The following PIK3R6 variants were observed in gnomAD, a reference collection of about 807,000 sequenced individuals.
PIK3R6 encodes the protein phosphoinositide 3-kinase regulatory subunit 6.
PIK3R6 carries 91 observed loss-of-function variants against 84.9 expected under a neutral mutation model. The ratio of observed to expected loss-of-function variants is 1.07; its 90% CI spans 0.90 to 1.28. PIK3R6 has a LOEUF of 1.28. Ranked by LOEUF, PIK3R6 falls within the 50% of genes most tolerant of loss-of-function variation. The pLI is 0.00. For missense variants in PIK3R6, 996 were observed against 985.1 expected (o/e 1.01, Z -0.15); for synonymous variants, 416 against 411.4 (o/e 1.01, Z -0.13).
rs28537446 is a variant in PIK3R6, at chr17:8,803,178, C to T, written c.*95G>A. ...GGCTCCTGGTCAAGGCCAAAGCTGC[C>T]GTGTGGAGCCGGGCCTTGCTCTGGC... On this transcript the variant is annotated 3_prime_UTR_variant, in exon 20 of 20. Coordinates refer to ENST00000619866, the MANE Select transcript of PIK3R6 (RefSeq NM_001010855.4). This position sits in a 1 kb window ranked among gnomAD's most constrained non-coding sequence, Gnocchi z 5.0. The T allele has an allele frequency of 0.047, 70,547 of 1,514,182 alleles. 2,058 individuals carry two copies. Among genetic ancestry groups the T allele is most frequent in the Non-Finnish European group, 0.056 (62,468 of 1,107,452 alleles). 93.8% of individuals were successfully genotyped at this position (1,514,182 alleles called of 1,614,324 possible).
intron 18 of PIK3R6, among the ~76,000 whole-genome samples, chr17:8,814,621 T>C (rs1410487334): frequency 6.6e-6 from 1 of 151,552 alleles, no homozygotes; most frequent in Non-Finnish European, 1.5e-5. Flanking sequence ...TCCCCCAAAA[T>C]TGAAGAAATG....
In PIK3R6 at chr17:8,804,036, C is replaced by T; in HGVS notation, c.2108+5G>A. On this transcript the variant is annotated splice_donor_5th_base_variant and intron_variant, in intron 19 of 19. Coordinates refer to ENST00000619866, the MANE Select transcript of PIK3R6 (RefSeq NM_001010855.4). Reference sequence around the variant, plus strand: ...GACATCTAGGGTTGGCAGGCCCAGCCTCACCTGACCACATCCCTGAAAGTG... The same window carrying T: ...GACATCTAGGGTTGGCAGGCCCAGCTTCACCTGACCACATCCCTGAAAGTG... The T allele has an allele frequency of 3.1e-6, 5 of 1,612,762 alleles. No individual in the cohort carries two copies. The highest frequency in any genetic ancestry group is 4.2e-6 in the Non-Finnish European group (5 of 1,178,772).
intron 2 of PIK3R6, among the ~76,000 whole-genome samples, chr17:8,841,672 C>A (rs2088680046): frequency 1.3e-5 from 2 of 151,474 alleles, no homozygotes; most frequent in Non-Finnish European, 2.9e-5. Context: ...AGAATAATTT[C>A]TTTCTTTAAC....
At chr17:8,822,050 G>GTTTT in intron 16 of PIK3R6, 114 bp from the exon 17 acceptor site, 1 of 522,358 alleles carries the variant, frequency 1.9e-6, no homozygotes, top group Non-Finnish European at 3.2e-6. Context: ...TGCTGTGAGA[G>GTTTT]TCTTTTTTTT....
intron 8 of PIK3R6, among the ~76,000 whole-genome samples, chr17:8,833,405 A>G (rs941808710): frequency 1.3e-5 from 2 of 152,052 alleles, no homozygotes; most frequent in African/African-American, 4.8e-5. Context: ...TTCACAGGGA[A>G]TTTTGTCTGT....
intron 1 of PIK3R6, among the ~76,000 whole-genome samples, chr17:8,855,025 TCTACTAAAA>T (rs1033829672): frequency 2.6e-5 from 4 of 152,134 alleles, no homozygotes; most frequent in African/African-American, 9.7e-5. Flanking sequence ...AAACCCCATT[TCTACTAAAA>T]ATACAAACAT....
Position 8,842,290 on chromosome 17 carries a change from C to T in PIK3R6, c.14-2593G>A, listed in dbSNP as rs943039675. Among the ~76,000 whole-genome samples the T allele has an allele frequency of 1.7e-4, 26 of 152,156 alleles. No homozygotes were observed. The highest frequency in any genetic ancestry group is 5.8e-4 in the African/African-American group (24 of 41,434). On this transcript the variant is annotated intron_variant, in intron 2 of 19. Coordinates refer to ENST00000619866, the MANE Select transcript of PIK3R6 (RefSeq NM_001010855.4). This position sits in a 1 kb window ranked among gnomAD's most constrained non-coding sequence, Gnocchi z 4.5. ...ATCCATCACTTTCTGCTGAGCCACG[C>T]CTCCCAGCCAAAATACACGGTATGG...
chr17:8,852,882 G>T (rs546863510), intron 1 of PIK3R6, among the ~76,000 whole-genome samples: 2 of 152,118 alleles, frequency 1.3e-5, no homozygotes, highest in Non-Finnish European at 2.9e-5. Flanking sequence ...CTGGGTGATT[G>T]CTGGACAATA....
In PIK3R6 at chr17:8,828,812, G is replaced by A. The variant is rs746872527; in HGVS notation, c.1068C>T (p.Pro356=). 8 of 1,589,486 alleles carry A rather than the reference G, an allele frequency of 5.0e-6. No homozygotes were observed. Among genetic ancestry groups the A allele is most frequent in the East Asian group, 2.2e-5 (1 of 44,546 alleles). ...LPTGADELPA[P]GSPEMERAGL... ...CGGCTCGCTCCATCTCAGGGCTGCCGGGTGCAGGCAGCTCATCAGCCCCCG... is the reference window on the plus strand; with the variant it reads ...CGGCTCGCTCCATCTCAGGGCTGCCAGGTGCAGGCAGCTCATCAGCCCCCG... Residue 356 remains proline, a synonymous_variant, in exon 11 of 20, where the codon CCC becomes CCT. Coordinates refer to ENST00000619866, the MANE Select transcript of PIK3R6 (RefSeq NM_001010855.4).
chr17:8,831,328 T>TAAAAAAAAAAAAAA lies in PIK3R6; in HGVS notation c.802+1547_803-1537dup, dbSNP rs60650147. Among the ~76,000 whole-genome samples, 10 of 33,080 alleles carry TAAAAAAAAAAAAAA rather than the reference T, an allele frequency of 3.0e-4. 1 individual carries two copies. Among genetic ancestry groups the TAAAAAAAAAAAAAA allele is most frequent in the African/African-American group, 7.0e-4 (5 of 7,118 alleles). The allele number at this position is 33,080 out of a possible 152,430, so 21.7% of individuals were successfully genotyped here. A position where few individuals can be genotyped will look rare whatever the true frequency, so the allele number is the denominator to read the frequency against. ...CTGGGTGACAGAGCAAGACCCTGTCTAAAAAAAAAAAAAAAAAAAAAAAAA... is the reference window on the plus strand; with the variant it reads ...CTGGGTGACAGAGCAAGACCCTGTCTAAAAAAAAAAAAAAAAAAAAAAAAAAAAAAAAAAAAAAA... On this transcript the variant is annotated intron_variant, in intron 9 of 19. Transcript: ENST00000619866.
intron 17 of PIK3R6, among the ~76,000 whole-genome samples, chr17:8,821,418 C>A (rs2087728469): frequency 6.8e-6 from 1 of 147,832 alleles, no homozygotes; most frequent in East Asian, 2.0e-4. Context: ...CCATCCTTTG[C>A]ATTATTCCAG....
chr17:8,821,945 G>A lies in PIK3R6; in HGVS notation c.1789-9C>T, dbSNP rs773212350. The A allele has an allele frequency of 2.0e-5, 32 of 1,566,134 alleles. No individual in the cohort carries two copies. In the East Asian group the frequency reaches 4.5e-4, roughly 22 times the overall value. ...CGGTGGCTAAGCAAGGCCTGAGGAGGGGGATCGAGGAACAGGTGGAGGTGC... is the reference window on the plus strand; with the variant it reads ...CGGTGGCTAAGCAAGGCCTGAGGAGAGGGATCGAGGAACAGGTGGAGGTGC... On this transcript the variant is annotated splice_polypyrimidine_tract_variant and intron_variant, in intron 16 of 19. Transcript: ENST00000619866.
At chr17:8,815,135 A>C (rs1048839851) in intron 18 of PIK3R6, among the ~76,000 whole-genome samples, 3 of 152,246 alleles carry the variant, frequency 2.0e-5, no homozygotes, top group African/African-American at 7.2e-5. Flanking sequence ...AGACTACAGT[A>C]ATATAATATG....
At chr17:8,849,973 G>C in intron 1 of PIK3R6, 88 bp from the exon 2 acceptor site, 1 of 700,296 alleles carries the variant, frequency 1.4e-6, no homozygotes, top group Non-Finnish European at 2.3e-6. Flanking sequence ...AAGGGACCTA[G>C]GCTTCTAGCA....
intron 2 of PIK3R6, among the ~76,000 whole-genome samples, chr17:8,841,701 GAA>G (rs59502151): frequency 8.4e-5 from 12 of 142,722 alleles, no homozygotes; most frequent in African/African-American, 2.8e-4. Context: ...GTTGACATGG[GAA>G]AAAAAAAAAA....
chr17:8,847,823 T>G (rs2088848729), intron 2 of PIK3R6, among the ~76,000 whole-genome samples: 1 of 151,386 alleles, frequency 6.6e-6, no homozygotes, highest in South Asian at 2.1e-4. Flanking sequence ...AAAATCATAA[T>G]GTGGAAAGAC....
chr17:8,839,852 G>C lies in PIK3R6; in HGVS notation c.14-155C>G, dbSNP rs1208455636. ...AGCTGGCAGCCAGCATGCCAGCCAG[G>C]GCTGGAATATAGCCTTCCCTTCCAC... On this transcript the variant is annotated intron_variant, in intron 2 of 19. Transcript: ENST00000619866. The surrounding 1 kb of genome is among the most constrained non-coding windows in gnomAD (Gnocchi z 4.2). 6.6e-6 allele frequency among the ~76,000 whole-genome samples: 1 copy of C among 152,178 alleles called. No individual in the cohort carries two copies. Among genetic ancestry groups the C allele is most frequent in the African/African-American group, 2.4e-5 (1 of 41,438 alleles).
chr17:8,846,646 T>C (rs1213995796), intron 2 of PIK3R6, among the ~76,000 whole-genome samples: 1 of 152,104 alleles, frequency 6.6e-6, no homozygotes, highest in Non-Finnish European at 1.5e-5. Context: ...TTTTTAGCAG[T>C]GCTTTGTACT....
At chr17:8,851,621 T>C (rs1055429673) in intron 1 of PIK3R6, among the ~76,000 whole-genome samples, 1 of 152,214 alleles carries the variant, frequency 6.6e-6, no homozygotes, top group Non-Finnish European at 1.5e-5. Flanking sequence ...AGTTTATTGC[T>C]CTGGGGCGCA....
Sources: gnomAD v4.1 joint callset for allele counts (sites outside exome capture counted in the v4.1 genomes callset) on GRCh38, gnomAD v4.1.1 for gene constraint, Gnocchi (gnomAD v3.1) non-coding constraint, MANE v1.5 for transcripts, NCBI Gene and HGNC (gene_info 2026-07-23, HGNC 2026-07-21) for gene names.